TMEM132E: variants seen among roughly 807,000 people sequenced by gnomAD.
TMEM132E encodes the protein transmembrane protein 132E.
Under a neutral mutation model 78.5 loss-of-function variants are expected in TMEM132E, and 49 were observed. That is an observed-to-expected ratio of 0.62 (90% CI 0.50 to 0.79). The LOEUF (loss-of-function observed/expected upper bound fraction) is 0.79. TMEM132E is among the 30% of genes least tolerant of loss of function. The pLI, the probability that TMEM132E is intolerant of heterozygous loss-of-function variation, is 0.00. For missense variants in TMEM132E, 1,403 were observed against 1,470.9 expected (o/e 0.95, Z 0.75); for synonymous variants, 715 against 670.6 (o/e 1.07, Z -1.02).
intron 1 of TMEM132E, among the ~76,000 whole-genome samples, chr17:34,621,590 A>G (rs569770005): frequency 4.6e-5 from 7 of 152,292 alleles, no homozygotes; most frequent in African/African-American, 1.7e-4. Flanking sequence ...TTTTCTCAGG[A>G]GACGGCAGCA....
intron 1 of TMEM132E, among the ~76,000 whole-genome samples, chr17:34,585,042 T>G (rs996100774): frequency 6.6e-6 from 1 of 152,204 alleles, no homozygotes; most frequent in Non-Finnish European, 1.5e-5. Context: ...GCACCAGCCC[T>G]TGGGAGACCC....
intron 1 of TMEM132E, among the ~76,000 whole-genome samples, chr17:34,619,785 T>A (rs1906899994): frequency 6.6e-6 from 1 of 152,202 alleles, no homozygotes; most frequent in Non-Finnish European, 1.5e-5. Flanking sequence ...TTTGCTGTTG[T>A]TTTGTTTGCT....
chr17:34,631,680 G>C (rs1351021718), intron 5 of TMEM132E, among the ~76,000 whole-genome samples: 1 of 152,104 alleles, frequency 6.6e-6, no homozygotes, highest in Non-Finnish European at 1.5e-5. Context: ...GCAGCGTTTG[G>C]GATGCCCCAG....
chr17:34,629,406 C>T (rs1184918951), intron 4 of TMEM132E, among the ~76,000 whole-genome samples: 1 of 152,140 alleles, frequency 6.6e-6, no homozygotes, highest in African/African-American at 2.4e-5. Flanking sequence ...ACAGCAGATG[C>T]TCAGGGGGGC....
chr17:34,631,254 A>G (rs959846526), intron 5 of TMEM132E, among the ~76,000 whole-genome samples: 5 of 152,150 alleles, frequency 3.3e-5, no homozygotes, highest in African/African-American at 1.2e-4. Flanking sequence ...TGATCCAGGA[A>G]GGATGCCTTC....
intron 1 of TMEM132E, among the ~76,000 whole-genome samples, chr17:34,596,754 G>A (rs1005099344): frequency 6.9e-6 from 1 of 145,712 alleles, no homozygotes; most frequent in Non-Finnish European, 1.5e-5. Flanking sequence ...AAGCTGATCA[G>A]CATAAAACCA....
In TMEM132E at chr17:34,623,171, G is replaced by C. The variant is rs551864183; in HGVS notation, c.68-2956G>C. 1.6e-3 allele frequency among the ~76,000 whole-genome samples: 245 copies of C among 152,286 alleles called. 3 individuals carry two copies. In the South Asian group the frequency reaches 0.044, roughly 27 times the overall value. On this transcript the variant is annotated intron_variant, in intron 1 of 8. Coordinates refer to ENST00000631683, the MANE Select transcript of TMEM132E (RefSeq NM_001304438.2). ...TGCCAGACCAGGTCCTCCCCCAGGG[G>C]GGGTGAGGGGATCCGGGTGGGGCAT... is the stretch of plus-strand genomic sequence containing the variant.
At chr17:34,636,802 G>C (rs730815) in intron 8 of TMEM132E, among the ~76,000 whole-genome samples, 35,632 of 152,162 alleles carry the variant, frequency 0.23, 4,538 homozygotes, top group Admixed American at 0.38. Context: ...TTGTCTGATG[G>C]GGGTAAGCCC....
chr17:34,628,477 C>T (rs542733866), intron 2 of TMEM132E, 86 bp from the exon 3 acceptor site: 6 of 1,517,260 alleles, frequency 4.0e-6, no homozygotes, highest in Non-Finnish European at 5.4e-6. Context: ...CCCCTCCCCC[C>T]AGTACAGTCT....
intron 6 of TMEM132E, among the ~76,000 whole-genome samples, chr17:34,633,979 C>T (rs1231449151): frequency 3.3e-5 from 5 of 152,184 alleles, no homozygotes; most frequent in Non-Finnish European, 7.4e-5. Context: ...CCTCCATCTC[C>T]GTATCTGTAA....
chr17:34,611,264 G>T (rs997716720), intron 1 of TMEM132E, among the ~76,000 whole-genome samples: 1 of 152,228 alleles, frequency 6.6e-6, no homozygotes, highest in African/African-American at 2.4e-5. Context: ...GAGCAGGCAG[G>T]GGTGGGACAA....
chr17:34,603,287 G>A (rs1355185624), intron 1 of TMEM132E, among the ~76,000 whole-genome samples: 2 of 152,012 alleles, frequency 1.3e-5, no homozygotes, highest in African/African-American at 2.4e-5. Flanking sequence ...TCTAGGGCAG[G>A]AGCCTGGAGG....
intron 1 of TMEM132E, among the ~76,000 whole-genome samples, chr17:34,604,436 T>A (rs1221028901): frequency 6.6e-6 from 1 of 152,160 alleles, no homozygotes; most frequent in African/African-American, 2.4e-5. Flanking sequence ...ATAGCTTCCA[T>A]CTCCCATTGT....
intron 1 of TMEM132E, among the ~76,000 whole-genome samples, chr17:34,613,700 C>A (rs1404690524): frequency 6.6e-6 from 1 of 152,012 alleles, no homozygotes; most frequent in Non-Finnish European, 1.5e-5. Flanking sequence ...TGCACCCTTG[C>A]CTTATTGCGG....
chr17:34,629,265 G>A lies in TMEM132E; in HGVS notation c.1338+61G>A, dbSNP rs566977543. On this transcript the variant is annotated intron_variant, in intron 4 of 8. Coordinates refer to ENST00000631683, the MANE Select transcript of TMEM132E (RefSeq NM_001304438.2). ...GGTCTATGCATGTGTGCACATTTGTGTGACAAGAATGTGAACCACTGAGTA... is the reference window on the plus strand; with the variant it reads ...GGTCTATGCATGTGTGCACATTTGTATGACAAGAATGTGAACCACTGAGTA... 1.2e-5 allele frequency: 19 copies of A among 1,558,934 alleles called. No individual in the cohort carries two copies. The East Asian group carries it at 4.3e-4, about 35-fold the overall frequency.
intron 1 of TMEM132E, among the ~76,000 whole-genome samples, chr17:34,599,611 G>A (rs997401515): frequency 6.6e-6 from 1 of 152,138 alleles, no homozygotes; most frequent in South Asian, 2.1e-4. Context: ...CTCAGGCAGT[G>A]CTTCTCAATC....
intron 1 of TMEM132E, among the ~76,000 whole-genome samples, chr17:34,623,414 C>A (rs1022581273): frequency 6.6e-6 from 1 of 151,336 alleles, no homozygotes; most frequent in Non-Finnish European, 1.5e-5. Flanking sequence ...CCCCCCCCCC[C>A]CCGTCCCTCT....
Position 34,626,811 on chromosome 17 carries a change from G to T in TMEM132E, c.752G>T (p.Gly251Val), listed in dbSNP as rs936137467. Reference protein sequence around the residue: ...ASGGCGGSRRGAGPGVGARAE... With the variant: ...ASGGCGGSRRVAGPGVGARAE... ...GGGGGCTGCGGGGGCTCCCGCCGGG[G>T]GGCCGGGCCCGGGGTGGGGGCCCGA... Residue 251 changes from glycine to valine, a missense_variant, in exon 2 of 9, where the codon GGG becomes GTG. Transcript: ENST00000631683. 38 of 1,530,612 alleles carry T rather than the reference G, an allele frequency of 2.5e-5. No individual in the cohort carries two copies. Among genetic ancestry groups the T allele is most frequent in the Non-Finnish European group, 2.8e-5 (32 of 1,143,178 alleles). The allele number at this position is 1,530,612 out of a possible 1,614,324, so 94.8% of individuals were successfully genotyped here.
chr17:34,637,183 C>G lies in TMEM132E; in HGVS notation c.2176C>G (p.Leu726Val), dbSNP rs779867137. The change falls in exon 9 of 9, where the codon CTA (leucine) becomes GTA (valine). Residue 726 changes from leucine to valine, a missense_variant. Physicochemically the swap from Leu to Val is conservative, Grantham distance 32 (BLOSUM62 1). Coordinates refer to ENST00000631683, the MANE Select transcript of TMEM132E (RefSeq NM_001304438.2). ...QTLSFLKQEALLSLWLSYSDG... is the reference protein window; with the variant it reads ...QTLSFLKQEAVLSLWLSYSDG... ...CCTTCTCCTTCTCCTCCAGGAAGCC[C>G]TACTGAGCCTCTGGCTCTCCTACAG... 28 of 1,600,282 alleles carry G rather than the reference C, an allele frequency of 1.7e-5. No individual in the cohort carries two copies. Among genetic ancestry groups the G allele is most frequent in the Admixed American group, 5.0e-5 (3 of 59,610 alleles).
Sources: gnomAD v4.1 joint callset for allele counts (sites outside exome capture counted in the v4.1 genomes callset) on GRCh38, gnomAD v4.1.1 for gene constraint, MANE v1.5 for transcripts, NCBI Gene and HGNC (gene_info 2026-07-23, HGNC 2026-07-21) for gene names.